Variants in ZSWIM6 observed in about 807,000 individuals in gnomAD.
The protein encoded by ZSWIM6 is zinc finger SWIM-type containing 6.
ZSWIM6 carries 9 observed loss-of-function variants against 113.2 expected under a neutral mutation model. The ratio of observed to expected loss-of-function variants is 0.08; its 90% CI spans 0.05 to 0.14. The LOEUF (loss-of-function observed/expected upper bound fraction) is 0.14. Among genes scored for constraint, ZSWIM6 ranks in the 10% least tolerant of loss-of-function variants. ZSWIM6 has a pLI of 1.00. For missense variants in ZSWIM6, 1,162 were observed against 1,552.2 expected (o/e 0.75, Z 4.22); for synonymous variants, 611 against 606.5 (o/e 1.01, Z -0.11).
intron 1 of ZSWIM6, among the ~76,000 whole-genome samples, chr5:61,341,837 A>G (rs1744554705): frequency 2.0e-5 from 3 of 150,424 alleles, no homozygotes; most frequent in South Asian, 2.1e-4. Context: ...TTTCACATAA[A>G]TGATGTGGTC....
At chr5:61,363,405 T>A (rs1159173702) in intron 1 of ZSWIM6, among the ~76,000 whole-genome samples, 1 of 152,238 alleles carries the variant, frequency 6.6e-6, no homozygotes, top group African/African-American at 2.4e-5. Flanking sequence ...GTAACAGAAC[T>A]GCCTATAAGA....
intron 1 of ZSWIM6, among the ~76,000 whole-genome samples, chr5:61,438,955 T>C (rs1449650609): frequency 6.6e-6 from 1 of 152,200 alleles, no homozygotes. Flanking sequence ...AAGGAATTAT[T>C]AATACAGTTA....
chr5:61,510,812 T>TA (rs1442681860), intron 4 of ZSWIM6, among the ~76,000 whole-genome samples: 1 of 152,206 alleles, frequency 6.6e-6, no homozygotes, highest in African/African-American at 2.4e-5. Flanking sequence ...AAAGAACCAG[T>TA]AGTACCTGAC....
At chr5:61,362,657 G>A (rs1386185545) in intron 1 of ZSWIM6, among the ~76,000 whole-genome samples, 1 of 152,124 alleles carries the variant, frequency 6.6e-6, no homozygotes, top group Non-Finnish European at 1.5e-5. Context: ...ATCGTCTAAG[G>A]CTGGGCACTT....
chr5:61,356,749 ATAT>A (rs1744921404), intron 1 of ZSWIM6, among the ~76,000 whole-genome samples: 1 of 139,584 alleles, frequency 7.2e-6, no homozygotes, highest in African/African-American at 2.6e-5. Context: ...TTATATATAT[ATAT>A]TATATATAAT....
intron 1 of ZSWIM6, among the ~76,000 whole-genome samples, chr5:61,359,099 T>C (rs1490077828): frequency 1.3e-5 from 2 of 152,104 alleles, no homozygotes; most frequent in Non-Finnish European, 2.9e-5. Context: ...GGTGAAATGC[T>C]TAAGAAGAAT....
rs1464340658 is a variant in ZSWIM6, at chr5:61,539,446, A to G, written c.2540-150A>G. On this transcript the variant is annotated intron_variant, in intron 11 of 13. Coordinates refer to ENST00000252744, the MANE Select transcript of ZSWIM6 (RefSeq NM_020928.2). The stretch of plus-strand genomic sequence containing the variant: ...GTTGTAACACCTGTGCCATCTGTGA[A>G]CATGTTAGGTAAATTAACTTGTGCT... The G allele has an allele frequency of 5.5e-6, 5 of 909,844 alleles. No individual in the cohort carries two copies. In the African/African-American group the frequency reaches 6.7e-5, roughly 12 times the overall value. The allele number at this position is 909,844 out of a possible 1,614,324, so 56.4% of individuals were successfully genotyped here. A position where few individuals can be genotyped will look rare whatever the true frequency, so the allele number is the denominator to read the frequency against.
Position 61,451,999 on chromosome 5 carries a change from G to A in ZSWIM6, c.677-20682G>A, listed in dbSNP as rs112905988. 1.4e-3 allele frequency among the ~76,000 whole-genome samples: 215 copies of A among 152,122 alleles called. 1 individual carries two copies. The highest frequency in any genetic ancestry group is 2.6e-3 in the Non-Finnish European group (174 of 67,970). ...ACAATACAAGGAACACTTAGTACCC[G>A]CTACTCAACCTTAACAATGTAAGGT... On this transcript the variant is annotated intron_variant, in intron 1 of 13. Coordinates refer to ENST00000252744, the MANE Select transcript of ZSWIM6 (RefSeq NM_020928.2).
chr5:61,511,836 G>T (rs180750162), intron 4 of ZSWIM6, among the ~76,000 whole-genome samples: 1 of 152,074 alleles, frequency 6.6e-6, no homozygotes, highest in African/African-American at 2.4e-5. Flanking sequence ...ACTGTGAAGG[G>T]TTATTGTAAC....
intron 1 of ZSWIM6, among the ~76,000 whole-genome samples, chr5:61,380,433 G>A (rs1241144992): frequency 6.6e-6 from 1 of 152,200 alleles, no homozygotes; most frequent in Non-Finnish European, 1.5e-5. Context: ...TAACATCTGT[G>A]TACATTGGTT....
chr5:61,360,012 GA>G (rs1744999292), intron 1 of ZSWIM6, among the ~76,000 whole-genome samples: 1 of 152,018 alleles, frequency 6.6e-6, no homozygotes, highest in Non-Finnish European at 1.5e-5. Flanking sequence ...GAGAGAGAGA[GA>G]GAGAGAGGGA....
At chr5:61,536,959 C>T (rs1749592568) in intron 10 of ZSWIM6, among the ~76,000 whole-genome samples, 1 of 152,034 alleles carries the variant, frequency 6.6e-6, no homozygotes, top group Admixed American at 6.6e-5. Context: ...TAAGTGGGTT[C>T]CTATTTTTAT....
intron 4 of ZSWIM6, among the ~76,000 whole-genome samples, chr5:61,520,118 C>T (rs1390851544): frequency 6.6e-6 from 1 of 152,128 alleles, no homozygotes; most frequent in Non-Finnish European, 1.5e-5. Context: ...TTGGGGACCC[C>T]CGCCCTAATG....
At chr5:61,468,486 C>G (rs577505765) in intron 1 of ZSWIM6, among the ~76,000 whole-genome samples, 1 of 152,100 alleles carries the variant, frequency 6.6e-6, no homozygotes. Context: ...TTCCACAGAG[C>G]GCAGGATTGT....
In ZSWIM6 at chr5:61,332,896, C is replaced by A; in HGVS notation, c.624C>A (p.Arg208=). 1 of 1,340,444 alleles carries A rather than the reference C, an allele frequency of 7.5e-7. No homozygotes were observed. The highest frequency in any genetic ancestry group is 9.7e-7 in the Non-Finnish European group (1 of 1,031,822). 83.0% of individuals were successfully genotyped at this position (1,340,444 alleles called of 1,614,324 possible). A position where few individuals can be genotyped will look rare whatever the true frequency, so the allele number is the denominator to read the frequency against. ...DGGDETRLPF[R]RGIALLESGC... ...GCGACGAGACGCGGCTGCCTTTCCG[C>A]CGGGGCATCGCGCTGTTGGAAAGCG... is the stretch of plus-strand genomic sequence containing the variant. The change falls in exon 1 of 14, where the codon CGC becomes CGA. Residue 208 remains arginine, a synonymous_variant. Transcript: ENST00000252744.
intron 1 of ZSWIM6, among the ~76,000 whole-genome samples, chr5:61,467,171 T>C (rs552656679): frequency 1.3e-5 from 2 of 152,336 alleles, no homozygotes; most frequent in African/African-American, 4.8e-5. Context: ...GAAGTGCCCA[T>C]AGCGCTTTTG....
intron 1 of ZSWIM6, among the ~76,000 whole-genome samples, chr5:61,466,116 T>C (rs2112174866): frequency 6.6e-6 from 1 of 152,320 alleles, no homozygotes; most frequent in Non-Finnish European, 1.5e-5. Flanking sequence ...GTACATGATT[T>C]ACATTAAAAC....
chr5:61,434,059 ATATAATAAAATATATG>A (rs1181724280), intron 1 of ZSWIM6, among the ~76,000 whole-genome samples: 2 of 141,072 alleles, frequency 1.4e-5, no homozygotes, highest in African/African-American at 5.2e-5. Flanking sequence ...TAATAAAAAC[ATATAATAAAATATATG>A]TATAAAATAT....
At position 61,472,404 on chromosome 5, in the gene ZSWIM6, C is replaced by T. The variant is rs909739649; in HGVS notation, c.677-277C>T. On this transcript the variant is annotated intron_variant, in intron 1 of 13. Coordinates refer to ENST00000252744, the MANE Select transcript of ZSWIM6 (RefSeq NM_020928.2). This position sits in a 1 kb window ranked among gnomAD's most constrained non-coding sequence, Gnocchi z 4.1. ...CTCTTAGTGCGTGATCTAACCACTT[C>T]CTATAGGTATGATGGTGTTGTATGG... Among the ~76,000 whole-genome samples, 4 of 152,258 alleles carry T rather than the reference C, an allele frequency of 2.6e-5. No individual in the cohort carries two copies. The highest frequency in any genetic ancestry group is 3.4e-3 in the Middle Eastern group (1 of 294).
Sources: allele counts gnomAD v4.1 joint callset (sites outside exome capture counted in the v4.1 genomes callset), GRCh38; gene constraint gnomAD v4.1.1; non-coding constraint Gnocchi (gnomAD v3.1); transcripts MANE v1.5; gene names NCBI Gene and HGNC (gene_info 2026-07-23, HGNC 2026-07-21).